The following RANBP17 variants were observed in gnomAD, a reference collection of about 807,000 sequenced individuals.
RANBP17 encodes ran-binding protein 17.
Under a neutral mutation model 141.2 loss-of-function variants are expected in RANBP17, and 158 were observed. That is an observed-to-expected ratio of 1.12 (90% CI 0.98 to 1.28). RANBP17 has a LOEUF of 1.28. RANBP17 is among the 50% of genes most tolerant of loss of function. RANBP17 has a pLI of 0.00. For missense variants in RANBP17, 1,438 were observed against 1,290.7 expected, an observed-to-expected ratio of 1.11 and a Z score of -1.75; for synonymous variants, 430 against 450.0, an observed-to-expected ratio of 0.96 and a Z score of 0.56.
chr5:171,176,203 T>G (rs1760473262), intron 16 of RANBP17, among the ~76,000 whole-genome samples: 1 of 152,194 alleles, frequency 6.6e-6, no homozygotes, highest in Admixed American at 6.5e-5. Flanking sequence ...CTAGTTTATT[T>G]CAGTCATTTT....
intron 5 of RANBP17, chr5:170,897,408 A>G (rs1770229457): frequency 7.5e-6 from 3 of 400,228 alleles, no homozygotes; most frequent in Non-Finnish European, 1.4e-5. Flanking sequence ...GTACAACCAT[A>G]TTTTCTTCAT....
At chr5:170,922,245 C>A (rs191199797) in intron 11 of RANBP17, among the ~76,000 whole-genome samples, 1 of 152,094 alleles carries the variant, frequency 6.6e-6, no homozygotes, top group Non-Finnish European at 1.5e-5. Flanking sequence ...TGTCTGTCAG[C>A]CCCTACTGGG....
intron 22 of RANBP17, among the ~76,000 whole-genome samples, chr5:171,234,080 A>G (rs911360328): frequency 6.6e-6 from 1 of 152,008 alleles, no homozygotes; most frequent in African/African-American, 2.4e-5. Context: ...ACACACACAC[A>G]TCTTAAGTAC....
chr5:171,178,672 G>T (rs776709493), intron 16 of RANBP17, among the ~76,000 whole-genome samples: 1 of 152,206 alleles, frequency 6.6e-6, no homozygotes, highest in East Asian at 1.9e-4. Flanking sequence ...CCACAGCCTT[G>T]CCAGCATCTG....
intron 14 of RANBP17, among the ~76,000 whole-genome samples, chr5:170,978,532 T>A (rs1243990544): frequency 6.6e-6 from 1 of 152,110 alleles, no homozygotes; most frequent in Non-Finnish European, 1.5e-5. Flanking sequence ...AAAGAAAAAC[T>A]ACATGCAAAA....
intron 14 of RANBP17, among the ~76,000 whole-genome samples, chr5:171,151,326 A>T (rs1758458993): frequency 9.8e-5 from 15 of 152,310 alleles, no homozygotes; most frequent in Admixed American, 9.8e-4. Context: ...GAATTTAAAC[A>T]CTTGAAAGGC....
At chr5:170,925,083 T>G (rs1772808677) in intron 12 of RANBP17, among the ~76,000 whole-genome samples, 1 of 152,092 alleles carries the variant, frequency 6.6e-6, no homozygotes, top group Non-Finnish European at 1.5e-5. Context: ...TAAAAATAAA[T>G]GTATTTTTCC....
chr5:171,018,188 T>G (rs1581410261), intron 14 of RANBP17, among the ~76,000 whole-genome samples: 1 of 152,342 alleles, frequency 6.6e-6, no homozygotes, highest in East Asian at 1.9e-4. Flanking sequence ...TCAGGTCGTG[T>G]GATGCCTCCA....
intron 5 of RANBP17, among the ~76,000 whole-genome samples, chr5:170,899,747 G>C (rs1031556680): frequency 1.3e-5 from 2 of 152,146 alleles, no homozygotes; most frequent in Admixed American, 1.3e-4. Flanking sequence ...TTTTATTGAA[G>C]GCCTTTTCTG....
rs187763971 is a variant in RANBP17, at chr5:170,901,276, T to C, written c.489+5161T>C. ...TAACATTATGTAATGCCCTTCTTTG[T>C]CTCCTTCGATCTTTGTTGGTTTAAA... On this transcript the variant is annotated intron_variant, in intron 5 of 27. Transcript: ENST00000523189. Among the ~76,000 whole-genome samples, 150 of 152,330 alleles carry C rather than the reference T, an allele frequency of 9.8e-4. 1 individual carries two copies. Among genetic ancestry groups the C allele is most frequent in the Non-Finnish European group, 1.7e-3 (119 of 68,028 alleles).
rs1426294036 is a variant in RANBP17 at position 171,228,168 on chromosome 5, G to C, written c.2422+6328G>C. Among the ~76,000 whole-genome samples the C allele has an allele frequency of 2.6e-5, 4 of 152,282 alleles. No homozygotes were observed. In the East Asian group the frequency reaches 7.7e-4, roughly 29 times the overall value. ...ATAGTGATTCCTCTGATGGATCTGGGCAAAGTAAATTGAAAGCCTTCCAGA... is the reference window on the plus strand; with the variant it reads ...ATAGTGATTCCTCTGATGGATCTGGCCAAAGTAAATTGAAAGCCTTCCAGA... On this transcript the variant is annotated intron_variant, in intron 22 of 27. Transcript: ENST00000523189.
intron 14 of RANBP17, among the ~76,000 whole-genome samples, chr5:171,097,188 C>T (rs1006029373): frequency 6.6e-6 from 1 of 152,010 alleles, no homozygotes; most frequent in African/African-American, 2.4e-5. Flanking sequence ...CTCTCTTTAG[C>T]TTGTCCCTTC....
intron 18 of RANBP17, among the ~76,000 whole-genome samples, chr5:171,194,398 A>G (rs915967507): frequency 6.6e-6 from 1 of 152,040 alleles, no homozygotes; most frequent in African/African-American, 2.4e-5. Context: ...GGAAACCACT[A>G]ATCTGTTTTC....
At position 171,251,807 on chromosome 5, in the gene RANBP17, G is replaced by C. The variant is rs147381290; in HGVS notation, c.2776+8987G>C. 219 of 1,212,218 alleles carry C rather than the reference G, an allele frequency of 1.8e-4. 2 individuals carry two copies. In the African/African-American group the frequency reaches 2.9e-3, roughly 16 times the overall value. 75.1% of individuals were successfully genotyped at this position (1,212,218 alleles called of 1,614,324 possible). A position where few individuals can be genotyped will look rare whatever the true frequency, so the allele number is the denominator to read the frequency against. ...TGTGATTGGGTGGAAGATGGTGCTG[G>C]CCGGATGTAAATCCTAATGACAGTC... On this transcript the variant is annotated intron_variant, in intron 24 of 27. Coordinates refer to ENST00000523189, the MANE Select transcript of RANBP17 (RefSeq NM_022897.5).
At chr5:171,252,116 T>C in intron 24 of RANBP17, 1 of 1,594,292 alleles carries the variant, frequency 6.3e-7, no homozygotes, top group Non-Finnish European at 8.6e-7. Flanking sequence ...GAGTAATACC[T>C]CCCAAGAAGT....
intron 14 of RANBP17, among the ~76,000 whole-genome samples, chr5:171,107,454 G>T (rs1487880142): frequency 6.6e-6 from 1 of 152,174 alleles, no homozygotes; most frequent in Admixed American, 6.5e-5. Flanking sequence ...TTTGTGAGTG[G>T]ATGCTTATAG....
intron 14 of RANBP17, among the ~76,000 whole-genome samples, chr5:171,036,430 A>T (rs1467389344): frequency 6.6e-6 from 1 of 151,786 alleles, no homozygotes. Flanking sequence ...TGTTCTTACA[A>T]TTTTCTATCT....
chr5:170,904,301 C>A, intron 5 of RANBP17: 1 of 254,180 alleles, frequency 3.9e-6, no homozygotes, highest in South Asian at 6.4e-5. Flanking sequence ...GAAAAAAGCT[C>A]ACCTTCATCA....
chr5:170,974,505 C>T (rs937977170), intron 14 of RANBP17, among the ~76,000 whole-genome samples: 2 of 152,076 alleles, frequency 1.3e-5, no homozygotes, highest in Non-Finnish European at 2.9e-5. Flanking sequence ...TGCTGCTCTC[C>T]CAGGATGGAA....
Sources: gnomAD v4.1 joint callset for allele counts (sites outside exome capture counted in the v4.1 genomes callset) on GRCh38, gnomAD v4.1.1 for gene constraint, MANE v1.5 for transcripts, NCBI Gene and HGNC (gene_info 2026-07-23, HGNC 2026-07-21) for gene names.